The following NOL4L variants were observed in gnomAD, a reference collection of about 807,000 sequenced individuals.
The protein encoded by NOL4L is nucleolar protein 4 like.
Under a neutral mutation model 64.5 loss-of-function variants are expected in NOL4L, and 7 were observed. The observed-to-expected ratio is 0.11, with a 90% CI of 0.06 to 0.20. The LOEUF (loss-of-function observed/expected upper bound fraction) is 0.20. Among genes scored for constraint, NOL4L ranks in the 10% least tolerant of loss-of-function variants. NOL4L has a pLI of 1.00. For missense variants in NOL4L, 680 were observed against 967.1 expected, an observed-to-expected ratio of 0.70 and a Z score of 3.94; for synonymous variants, 413 against 401.0, an observed-to-expected ratio of 1.03 and a Z score of -0.36.
At chr20:32,470,853 C>A (rs1359041445) in intron 5 of NOL4L, among the ~76,000 whole-genome samples, 2 of 152,244 alleles carry the variant, frequency 1.3e-5, no homozygotes, top group African/African-American at 4.8e-5. Flanking sequence ...ATGGCCCCTG[C>A]CCCTGCCAAA....
At chr20:32,490,009 G>T (rs2016391188) in intron 4 of NOL4L, among the ~76,000 whole-genome samples, 1 of 149,070 alleles carries the variant, frequency 6.7e-6, no homozygotes. Context: ...CGTGTCTGTA[G>T]TCCTAGCTAC....
intron 1 of NOL4L, among the ~76,000 whole-genome samples, chr20:32,564,244 C>T (rs1979278531): frequency 6.6e-6 from 1 of 152,242 alleles, no homozygotes. Flanking sequence ...TCCTTCAGAG[C>T]ACTGCAGGGG....
At chr20:32,556,062 G>T (rs984431928) in intron 1 of NOL4L, among the ~76,000 whole-genome samples, 3 of 152,208 alleles carry the variant, frequency 2.0e-5, no homozygotes, top group Non-Finnish European at 2.9e-5. Flanking sequence ...CACAGACGGG[G>T]TCTGCCTTGG....
At chr20:32,520,981 G>T in intron 2 of NOL4L, 59 bp from the exon 3 acceptor site, 1 of 1,174,236 alleles carries the variant, frequency 8.5e-7, no homozygotes, top group Non-Finnish European at 1.2e-6. Context: ...ACTTGGCCAT[G>T]GGGTCACCAA....
chr20:32,462,195 A>T (rs888514237), intron 5 of NOL4L, among the ~76,000 whole-genome samples: 1 of 152,184 alleles, frequency 6.6e-6, no homozygotes, highest in East Asian at 1.9e-4. Context: ...CCTGAAATCC[A>T]TCTGTGCCTG....
At chr20:32,523,190 C>T (rs1160661324) in intron 2 of NOL4L, among the ~76,000 whole-genome samples, 2 of 152,100 alleles carry the variant, frequency 1.3e-5, no homozygotes, top group Non-Finnish European at 2.9e-5. Flanking sequence ...ACCTTCTGGC[C>T]CTGGGTCCCA....
chr20:32,466,291 C>A (rs1245449337), intron 5 of NOL4L, among the ~76,000 whole-genome samples: 1 of 152,120 alleles, frequency 6.6e-6, no homozygotes, highest in East Asian at 1.9e-4. Flanking sequence ...AGTAGGTGAA[C>A]CTCTCGGCTC....
At chr20:32,490,850 G>A (rs911788960) in intron 4 of NOL4L, among the ~76,000 whole-genome samples, 3 of 152,166 alleles carry the variant, frequency 2.0e-5, no homozygotes, top group Non-Finnish European at 2.9e-5. Flanking sequence ...CCCAGTCACC[G>A]GCGGAATCGA....
Position 32,447,590 on chromosome 20 carries a change from G to T in NOL4L, c.*6C>A. The T allele has an allele frequency of 1.3e-6, 2 of 1,588,700 alleles. No individual in the cohort carries two copies. The highest frequency in any genetic ancestry group is 3.4e-5 in the Admixed American group (2 of 59,460). On this transcript the variant is annotated 3_prime_UTR_variant, in exon 11 of 11. Transcript: ENST00000621426. ...CTAGGGCAGTGCGCTCCAGGTGCCG[G>T]TGGGGTCAGTTCTGCTGTAGGATGA...
chr20:32,568,085 T>G (rs907880760), intron 1 of NOL4L, among the ~76,000 whole-genome samples: 3 of 151,856 alleles, frequency 2.0e-5, no homozygotes, highest in Admixed American at 1.3e-4. Flanking sequence ...AATACCACTA[T>G]TGTTACCATT....
intron 4 of NOL4L, among the ~76,000 whole-genome samples, chr20:32,495,357 G>C (rs1023319951): frequency 1.3e-5 from 2 of 152,228 alleles, no homozygotes; most frequent in African/African-American, 4.8e-5. Context: ...GGTTGTGCTG[G>C]ATCGAGCCCC....
chr20:32,445,315 G>GC lies in NOL4L; in HGVS notation c.*2280dup, dbSNP rs1474639690. The GC allele has an allele frequency of 1.3e-5, 2 of 152,154 alleles. No homozygotes were observed. Among genetic ancestry groups the GC allele is most frequent in the Non-Finnish European group, 2.9e-5 (2 of 68,030 alleles). 9.4% of individuals were successfully genotyped at this position (152,154 alleles called of 1,614,324 possible). ...ATCCTTGTGTGGGTAGGGGGAGGGA[G>GC]CCCCTTCCCCAGTCTTTCTCACTCC... On this transcript the variant is annotated 3_prime_UTR_variant, in exon 11 of 11. Coordinates refer to ENST00000621426, the MANE Select transcript of NOL4L (RefSeq NM_001256798.2).
Position 32,452,375 on chromosome 20 carries a change from G to A in NOL4L, c.1683C>T (p.Thr561=). The A allele has an allele frequency of 2.5e-6, 4 of 1,612,446 alleles. No homozygotes were observed. The highest frequency in any genetic ancestry group is 3.4e-6 in the Non-Finnish European group (4 of 1,179,154). The stretch of plus-strand genomic sequence containing the variant: ...AGTAGGAGGAGGCTGGCAGTGAGTA[G>A]GTGGAGTGGGTGATGGCTGCGGAGT... The part of the protein sequence containing the change: ...SRDSAAITHS[T]YSLPASSYSQ... The change falls in exon 10 of 11, where the codon ACC becomes ACT. Residue 561 remains threonine, a synonymous_variant. Coordinates refer to ENST00000621426, the MANE Select transcript of NOL4L (RefSeq NM_001256798.2).
chr20:32,497,034 C>A (rs1451875500), intron 4 of NOL4L, among the ~76,000 whole-genome samples: 4 of 108,164 alleles, frequency 3.7e-5, no homozygotes, highest in African/African-American at 1.6e-4. Flanking sequence ...ATTCACAAAG[C>A]AATACTGTGC....
chr20:32,462,599 C>A (rs976810747), intron 5 of NOL4L, among the ~76,000 whole-genome samples: 2 of 99,724 alleles, frequency 2.0e-5, no homozygotes, highest in East Asian at 2.4e-3. Context: ...CTTCCTCCCA[C>A]AACCCTTAAA....
At chr20:32,541,776 G>C (rs1029953186) in intron 1 of NOL4L, among the ~76,000 whole-genome samples, 2 of 152,262 alleles carry the variant, frequency 1.3e-5, no homozygotes, top group African/African-American at 4.8e-5. Flanking sequence ...TCCATGCCCA[G>C]GACGTCGCTT....
rs962378798 is a variant in NOL4L at position 32,447,513 on chromosome 20, G to A, written c.*83C>T. ...ATCCCACCTCTTTCAAAAACAAAAT[G>A]TACCAACTGGTGAGGCAGGAAGCCA... On this transcript the variant is annotated 3_prime_UTR_variant, in exon 11 of 11. Transcript: ENST00000621426. 36 of 1,374,898 alleles carry A rather than the reference G, an allele frequency of 2.6e-5. No individual in the cohort carries two copies. The African/African-American group carries it at 4.6e-4, about 18-fold the overall frequency. The allele number at this position is 1,374,898 out of a possible 1,614,324, so 85.2% of individuals were successfully genotyped here.
chr20:32,583,407 G>A (rs1295410606), intron 1 of NOL4L, among the ~76,000 whole-genome samples: 1 of 149,928 alleles, frequency 6.7e-6, no homozygotes, highest in Non-Finnish European at 1.5e-5. Flanking sequence ...TCCGGCCGGG[G>A]ACGGGGCTGA....
chr20:32,460,077 G>A lies in NOL4L; in HGVS notation c.842-3682C>T, dbSNP rs1363485648. Among the ~76,000 whole-genome samples, 1 of 152,168 alleles carries A rather than the reference G, an allele frequency of 6.6e-6. No homozygotes were observed. Among genetic ancestry groups the A allele is most frequent in the Non-Finnish European group, 1.5e-5 (1 of 68,026 alleles). On this transcript the variant is annotated intron_variant, in intron 5 of 10. Coordinates refer to ENST00000621426, the MANE Select transcript of NOL4L (RefSeq NM_001256798.2). The surrounding 1 kb of genome is among the most constrained non-coding windows in gnomAD (Gnocchi z 5.7). ...GACAGAAGGTACAGTGAGGCTCCAC[G>A]GGCTGGGAATGGGCAGTTAGTACTT...
Sources: gnomAD v4.1 joint callset for allele counts (sites outside exome capture counted in the v4.1 genomes callset) on GRCh38, gnomAD v4.1.1 for gene constraint, Gnocchi (gnomAD v3.1) non-coding constraint, MANE v1.5 for transcripts, NCBI Gene and HGNC (gene_info 2026-07-23, HGNC 2026-07-21) for gene names.